LHFPL6: variants seen among roughly 807,000 people sequenced by gnomAD.
LHFPL6 encodes the protein LHFPL tetraspan subfamily member 6 protein.
In LHFPL6, 9 loss-of-function variants were observed where a neutral mutation model predicts 20.6. The observed-to-expected ratio is 0.44, with a 90% CI of 0.26 to 0.76. LHFPL6 has a LOEUF of 0.76. LHFPL6 is among the 30% of genes least tolerant of loss of function. The pLI is 0.20. For missense variants in LHFPL6, 218 were observed against 253.5 expected (o/e 0.86, Z 0.95); for synonymous variants, 105 against 98.7 (o/e 1.06, Z -0.38).
chr13:39,495,309 C>A (rs1027343785), intron 2 of LHFPL6, among the ~76,000 whole-genome samples: 1 of 152,094 alleles, frequency 6.6e-6, no homozygotes, highest in South Asian at 2.1e-4. Context: ...GCTATATTTG[C>A]CATTTATAGC....
chr13:39,426,807 G>C (rs1871650276), intron 2 of LHFPL6, among the ~76,000 whole-genome samples: 1 of 151,958 alleles, frequency 6.6e-6, no homozygotes, highest in Non-Finnish European at 1.5e-5. Context: ...TTGAGCATTT[G>C]GTATCGTATC....
At chr13:39,349,854 G>A (rs1041245039) in intron 3 of LHFPL6, among the ~76,000 whole-genome samples, 3 of 152,168 alleles carry the variant, frequency 2.0e-5, no homozygotes, top group Non-Finnish European at 4.4e-5. Context: ...ATGGAGAAAT[G>A]CAGACAGATT....
intron 3 of LHFPL6, among the ~76,000 whole-genome samples, chr13:39,352,909 A>ATGTATAGATATG: frequency 2.4e-5 from 1 of 42,028 alleles, no homozygotes. Context: ...ATATATATAA[A>ATGTATAGATATG]TGTATATATA....
intron 3 of LHFPL6, among the ~76,000 whole-genome samples, chr13:39,351,744 G>A (rs1252406872): frequency 6.6e-6 from 1 of 152,190 alleles, no homozygotes; most frequent in Non-Finnish European, 1.5e-5. Flanking sequence ...GTCTTCGCCA[G>A]TCCCAGCAGC....
At position 39,537,780 on chromosome 13, in the gene LHFPL6, G is replaced by T. The variant is rs149315497; in HGVS notation, c.385+63052C>A. Reference sequence around the variant, plus strand: ...AGGAAAATAGGCCTACCCCCATTCTGCTAAGCCGCTACAAAATTTCATGGA... The same window carrying T: ...AGGAAAATAGGCCTACCCCCATTCTTCTAAGCCGCTACAAAATTTCATGGA... On this transcript the variant is annotated intron_variant, in intron 2 of 3. Coordinates refer to ENST00000379589, the MANE Select transcript of LHFPL6 (RefSeq NM_005780.3). 3.9e-5 allele frequency among the ~76,000 whole-genome samples: 6 copies of T among 152,086 alleles called. No individual in the cohort carries two copies. In the East Asian group the frequency reaches 1.2e-3, roughly 29 times the overall value.
intron 2 of LHFPL6, among the ~76,000 whole-genome samples, chr13:39,569,919 AC>A (rs1408740592): frequency 6.6e-6 from 1 of 152,202 alleles, no homozygotes; most frequent in Non-Finnish European, 1.5e-5. Context: ...GTCTTTAAGC[AC>A]CTGTTCAAGC....
At chr13:39,589,870 A>G (rs749655654) in intron 2 of LHFPL6, among the ~76,000 whole-genome samples, 2 of 152,186 alleles carry the variant, frequency 1.3e-5, no homozygotes, top group Non-Finnish European at 2.9e-5. Context: ...TACATATTAC[A>G]TTATTAATAT....
chr13:39,497,168 A>G (rs1374655938), intron 2 of LHFPL6, among the ~76,000 whole-genome samples: 1 of 152,174 alleles, frequency 6.6e-6, no homozygotes, highest in Non-Finnish European at 1.5e-5. Context: ...ACTTATTACA[A>G]TCTCCACAAC....
rs7322559 is a variant in LHFPL6, at chr13:39,343,656, A to G, written c.*280T>C. 8,347 of 336,596 alleles carry G rather than the reference A, an allele frequency of 0.025. 443 individuals carry two copies. Among genetic ancestry groups the G allele is most frequent in the African/African-American group, 0.13 (5,888 of 46,322 alleles). 20.9% of individuals were successfully genotyped at this position (336,596 alleles called of 1,614,324 possible). On this transcript the variant is annotated 3_prime_UTR_variant, in exon 4 of 4. Coordinates refer to ENST00000379589, the MANE Select transcript of LHFPL6 (RefSeq NM_005780.3). ...GTGTGTGTGTGTGTGTGTGTTGTACATTAACAATACTCTGTGGAATAGAAA... is the reference window on the plus strand; with the variant it reads ...GTGTGTGTGTGTGTGTGTGTTGTACGTTAACAATACTCTGTGGAATAGAAA...
chr13:39,496,664 T>C (rs924571360), intron 2 of LHFPL6, among the ~76,000 whole-genome samples: 6 of 152,172 alleles, frequency 3.9e-5, no homozygotes, highest in Admixed American at 6.5e-5. Flanking sequence ...TAAAAGAGCA[T>C]GCAGCTTCAT....
At chr13:39,447,308 T>A (rs1385788296) in intron 2 of LHFPL6, among the ~76,000 whole-genome samples, 2 of 152,222 alleles carry the variant, frequency 1.3e-5, no homozygotes, top group Admixed American at 1.3e-4. Flanking sequence ...GAAATTTTCA[T>A]AATCTTTTTT....
chr13:39,488,434 G>A (rs187405695), intron 2 of LHFPL6, among the ~76,000 whole-genome samples: 1 of 152,160 alleles, frequency 6.6e-6, no homozygotes, highest in Non-Finnish European at 1.5e-5. Flanking sequence ...CTTGTGAAGT[G>A]AGGTGACTCT....
chr13:39,352,852 T>G (rs1488462159), intron 3 of LHFPL6, among the ~76,000 whole-genome samples: 2 of 63,726 alleles, frequency 3.1e-5, no homozygotes, highest in African/African-American at 6.8e-5. Flanking sequence ...TATATATAAA[T>G]GTATATATAT....
intron 2 of LHFPL6, among the ~76,000 whole-genome samples, chr13:39,533,048 C>G (rs553447355): frequency 1.3e-5 from 2 of 152,152 alleles, no homozygotes; most frequent in Non-Finnish European, 2.9e-5. Flanking sequence ...CATTTTAAGC[C>G]ATAGACATTT....
intron 2 of LHFPL6, among the ~76,000 whole-genome samples, chr13:39,562,423 CAT>C (rs72230053): frequency 3.9e-4 from 19 of 48,418 alleles, no homozygotes; most frequent in Non-Finnish European, 8.3e-4. Context: ...TACACATATA[CAT>C]ATATACATAT....
At position 39,479,034 on chromosome 13, in the gene LHFPL6, TATAGATAGATAG is replaced by T. The variant is rs34879497; in HGVS notation, c.386-100520_386-100509del. On this transcript the variant is annotated intron_variant, in intron 2 of 3. Coordinates refer to ENST00000379589, the MANE Select transcript of LHFPL6 (RefSeq NM_005780.3). ...TAATGAAGCACCAATGGGAGATAGA[TATAGATAGATAG>T]ATAGATAGATAGATAGATAGATAGA... Among the ~76,000 whole-genome samples, 851 of 144,046 alleles carry T rather than the reference TATAGATAGATAG, an allele frequency of 5.9e-3. 13 individuals carry two copies. Among genetic ancestry groups the T allele is most frequent in the East Asian group, 0.039 (190 of 4,878 alleles). The allele number at this position is 144,046 out of a possible 152,430, so 94.5% of individuals were successfully genotyped here.
rs75262245 is a variant in LHFPL6, at chr13:39,364,259, G to A, written c.484+14169C>T. Reference sequence around the variant, plus strand: ...ACTAGATGTCCAGGTGATGTTGCTGGGTATGGCTGCACAGGAACAAACTCT... The same window carrying A: ...ACTAGATGTCCAGGTGATGTTGCTGAGTATGGCTGCACAGGAACAAACTCT... On this transcript the variant is annotated intron_variant, in intron 3 of 3. Coordinates refer to ENST00000379589, the MANE Select transcript of LHFPL6 (RefSeq NM_005780.3). Among the ~76,000 whole-genome samples, 630 of 152,206 alleles carry A rather than the reference G, an allele frequency of 4.1e-3. 1 individual carries two copies. Among genetic ancestry groups the A allele is most frequent in the Non-Finnish European group, 6.9e-3 (471 of 68,010 alleles).
At chr13:39,593,596 C>T in intron 2 of LHFPL6, among the ~76,000 whole-genome samples, 1 of 151,980 alleles carries the variant, frequency 6.6e-6, no homozygotes. Context: ...ACTTTCTTCA[C>T]AGAATTGGAA....
At chr13:39,545,231 G>T (rs991806871) in intron 2 of LHFPL6, among the ~76,000 whole-genome samples, 16 of 133,842 alleles carry the variant, frequency 1.2e-4, no homozygotes, top group Non-Finnish European at 1.7e-4. Context: ...GGGTGACAGA[G>T]CGAGACTCCG....
Sources: allele counts gnomAD v4.1 joint callset (sites outside exome capture counted in the v4.1 genomes callset), GRCh38; gene constraint gnomAD v4.1.1; transcripts MANE v1.5; gene names NCBI Gene and HGNC (gene_info 2026-07-23, HGNC 2026-07-21).